The following ANKRD36B variants were observed in gnomAD, a reference collection of about 807,000 sequenced individuals.
ANKRD36B encodes ankyrin repeat domain 36B.
In ANKRD36B, 37 loss-of-function variants were observed where a neutral mutation model predicts 135.7. The ratio of observed to expected loss-of-function variants is 0.27; its 90% CI spans 0.21 to 0.36. The LOEUF (loss-of-function observed/expected upper bound fraction) is 0.36. ANKRD36B is among the 10% of genes least tolerant of loss of function. The pLI is 1.00. For missense variants in ANKRD36B, 549 were observed against 1,037.1 expected (o/e 0.53, Z 6.46); for synonymous variants, 179 against 348.1 (o/e 0.51, Z 5.41).
chr2:97,549,714 T>G, intron 18 of ANKRD36B, 100 bp from the exon 19 acceptor site: 5 of 1,580,294 alleles, frequency 3.2e-6, no homozygotes, highest in Non-Finnish European at 4.3e-6. Flanking sequence ...CTCCTGCCTG[T>G]ATTAGCGTAG....
At chr2:97,567,651 A>G (rs911597517) in intron 6 of ANKRD36B, among the ~76,000 whole-genome samples, 3 of 152,160 alleles carry the variant, frequency 2.0e-5, no homozygotes, top group Admixed American at 2.0e-4. Flanking sequence ...CATAAATAAA[A>G]TTTATGTATA....
intron 20 of ANKRD36B, among the ~76,000 whole-genome samples, chr2:97,548,502 C>T (rs1355374228): frequency 6.6e-6 from 1 of 151,966 alleles, no homozygotes; most frequent in Non-Finnish European, 1.5e-5. Flanking sequence ...GTTTCTCTTT[C>T]AGAAATCACT....
rs139975232 is a variant in ANKRD36B at position 97,551,586 on chromosome 2, C to T, written c.1274-106G>A. ...ACCTCTGTCCTCCTGCCTGTATTAG[C>T]GTAGGTTTTGATGGCTTCTACTTTG... On this transcript the variant is annotated intron_variant, in intron 16 of 43. Transcript: ENST00000359901. 9.3e-4 allele frequency: 1,442 copies of T among 1,552,158 alleles called. 11 individuals carry two copies. The African/African-American group carries it at 0.016, about 17-fold the overall frequency.
chr2:97,560,216 A>G (rs2080896432), intron 8 of ANKRD36B, among the ~76,000 whole-genome samples: 1 of 151,884 alleles, frequency 6.6e-6, no homozygotes, highest in African/African-American at 2.4e-5. Context: ...TTCCTTGAGG[A>G]AAATAATTGC....
intron 43 of ANKRD36B, among the ~76,000 whole-genome samples, chr2:97,496,993 T>C (rs2077316919): frequency 3.7e-5 from 1 of 27,064 alleles, no homozygotes; most frequent in East Asian, 4.7e-4. Flanking sequence ...ATCAAGGACA[T>C]TTTATTATTT....
At chr2:97,569,948 T>C (rs2081728346) in intron 6 of ANKRD36B, among the ~76,000 whole-genome samples, 2 of 152,134 alleles carry the variant, frequency 1.3e-5, no homozygotes, top group Admixed American at 6.6e-5. Context: ...TTCATAATTA[T>C]AAACAGAAAT....
intron 43 of ANKRD36B, chr2:97,506,817 AT>A (rs2077375915): frequency 1.2e-5 from 3 of 256,014 alleles, no homozygotes; most frequent in South Asian, 4.4e-5. Flanking sequence ...ATTTCTTGCG[AT>A]TTTTTTAAAG....
intron 6 of ANKRD36B, among the ~76,000 whole-genome samples, chr2:97,564,927 G>C (rs1423780349): frequency 6.6e-6 from 1 of 152,142 alleles, no homozygotes; most frequent in African/African-American, 2.4e-5. Context: ...ATGGTAGCTT[G>C]ATGGGTATAG....
chr2:97,540,654 T>C (rs1268133664), intron 28 of ANKRD36B, among the ~76,000 whole-genome samples: 1 of 95,978 alleles, frequency 1.0e-5, no homozygotes, highest in African/African-American at 3.1e-5. Flanking sequence ...ACATTCATCA[T>C]GCTCTTTAAC....
chr2:97,551,859 C>T (rs1457500067), intron 16 of ANKRD36B, among the ~76,000 whole-genome samples: 1 of 151,936 alleles, frequency 6.6e-6, no homozygotes, highest in East Asian at 1.9e-4. Flanking sequence ...GTCTTTCATG[C>T]AACAAATCAA....
chr2:97,550,369 T>C (rs140616600), intron 18 of ANKRD36B, among the ~76,000 whole-genome samples: 276 of 151,956 alleles, frequency 1.8e-3, no homozygotes, highest in African/African-American at 6.3e-3. Flanking sequence ...GCATTAGATA[T>C]TGATGTTTTA....
intron 10 of ANKRD36B, among the ~76,000 whole-genome samples, chr2:97,558,585 C>A (rs1420346019): frequency 1.3e-5 from 2 of 152,046 alleles, no homozygotes; most frequent in East Asian, 3.9e-4. Flanking sequence ...TCCAACGTTT[C>A]TTCTTCCCAA....
chr2:97,531,025 A>T (rs1269252447), intron 35 of ANKRD36B, among the ~76,000 whole-genome samples: 1 of 95,498 alleles, frequency 1.0e-5, no homozygotes, highest in African/African-American at 3.1e-5. Context: ...AGAACTAGAA[A>T]TACCATTTGA....
At chr2:97,574,176 T>C (rs1414056164) in intron 6 of ANKRD36B, among the ~76,000 whole-genome samples, 2 of 151,812 alleles carry the variant, frequency 1.3e-5, no homozygotes, top group Non-Finnish European at 2.9e-5. Context: ...TACAAAGAGC[T>C]CAAACAAATT....
In ANKRD36B at chr2:97,580,568, T is replaced by C. The variant is rs2922616; in HGVS notation, c.451A>G (p.Asn151Asp). Reference sequence around the variant, plus strand: ...GCAAGTAACAGTGGCTGATATTCATTCTGTAAAATAACAGCAACAATTTAT... The same window carrying C: ...GCAAGTAACAGTGGCTGATATTCATCCTGTAAAATAACAGCAACAATTTAT... ...HGTNIEECSK[N>D]EYQPLLLAVS... Residue 151 changes from asparagine to aspartate, a missense_variant and splice_region_variant, in exon 4 of 44, where the codon AAT (asparagine) becomes GAT (aspartate). Asn to Asp is a conservative substitution (Grantham distance 23). Transcript: ENST00000359901. 1.1e-5 allele frequency: 17 copies of C among 1,540,110 alleles called. No homozygotes were observed. The highest frequency in any genetic ancestry group is 1.4e-5 in the Non-Finnish European group (16 of 1,141,522).
intron 8 of ANKRD36B, 68 bp from the exon 9 acceptor site, chr2:97,559,062 C>G: frequency 6.3e-7 from 1 of 1,595,926 alleles, no homozygotes; most frequent in Non-Finnish European, 8.5e-7. Flanking sequence ...ACATTCCATG[C>G]AGTGTTAGCA....
intron 8 of ANKRD36B, among the ~76,000 whole-genome samples, chr2:97,559,440 A>C (rs1471362545): frequency 2.0e-5 from 3 of 151,896 alleles, no homozygotes; most frequent in Non-Finnish European, 2.9e-5. Context: ...ACTAGAAGGT[A>C]CACAATTACG....
At chr2:97,588,124 G>A (rs2104401382) in intron 1 of ANKRD36B, among the ~76,000 whole-genome samples, 1 of 151,482 alleles carries the variant, frequency 6.6e-6, no homozygotes, top group South Asian at 2.1e-4. Context: ...ATATAAGTAG[G>A]CATTTGTGTT....
At chr2:97,578,037 A>G (rs1039423575) in intron 5 of ANKRD36B, among the ~76,000 whole-genome samples, 3 of 152,096 alleles carry the variant, frequency 2.0e-5, no homozygotes, top group Non-Finnish European at 2.9e-5. Context: ...AAAGAGAAAA[A>G]AAAGGGACTC....
Sources: allele counts gnomAD v4.1 joint callset (sites outside exome capture counted in the v4.1 genomes callset), GRCh38; gene constraint gnomAD v4.1.1; transcripts MANE v1.5; gene names NCBI Gene and HGNC (gene_info 2026-07-23, HGNC 2026-07-21).